Variants in KCNH6 observed in about 807,000 individuals in gnomAD.
The protein encoded by KCNH6 is voltage-gated inwardly rectifying potassium channel KCNH6.
Under a neutral mutation model 83.4 loss-of-function variants are expected in KCNH6, and 81 were observed. That is an observed-to-expected ratio of 0.97 (90% CI 0.81 to 1.17). The LOEUF (loss-of-function observed/expected upper bound fraction) is 1.17. Ranked by LOEUF, KCNH6 falls within the 50% of genes most tolerant of loss-of-function variation. The pLI is 0.00. For missense variants in KCNH6, 1,203 were observed against 1,290.5 expected (o/e 0.93, Z 1.04); for synonymous variants, 503 against 545.6 (o/e 0.92, Z 1.09).
At chr17:63,540,301 C>T (rs554796730) in intron 8 of KCNH6, among the ~76,000 whole-genome samples, 135 of 152,122 alleles carry the variant, frequency 8.9e-4, no homozygotes, top group Non-Finnish European at 1.6e-3. Context: ...GGCATGGTGG[C>T]GGGTGCCTGT....
At position 63,524,253 on chromosome 17, in the gene KCNH6, G is replaced by GC; in HGVS notation, c.192dup (p.Thr65HisfsTer26). 1.9e-6 allele frequency: 3 copies of GC among 1,614,064 alleles called. No homozygotes were observed. Among genetic ancestry groups the GC allele is most frequent in the Non-Finnish European group, 2.5e-6 (3 of 1,180,030 alleles). On this transcript the variant is annotated frameshift_variant, in exon 2 of 13. Transcript: ENST00000314672. LOFTEE classifies it high-confidence loss of function. Reference sequence around the variant, plus strand: ...CGAGTGGAGGTGATGCAGCAACCCTGCACCTGCGACTTCCTCACAGGCCCC... The same window carrying GC: ...CGAGTGGAGGTGATGCAGCAACCCTGCCACCTGCGACTTCCTCACAGGCCCC...
chr17:63,526,725 G>C (rs1335605620), intron 2 of KCNH6, among the ~76,000 whole-genome samples: 30 of 152,056 alleles, frequency 2.0e-4, no homozygotes, highest in Admixed American at 2.0e-3. Context: ...CAGATCTCTA[G>C]CTGATTTATG....
intron 2 of KCNH6, among the ~76,000 whole-genome samples, chr17:63,527,673 G>T (rs1364665298): frequency 6.6e-6 from 1 of 152,178 alleles, no homozygotes; most frequent in African/African-American, 2.4e-5. Flanking sequence ...CCCTGGTGAG[G>T]GCACAGGAAC....
rs1486630350 is a variant in KCNH6, at chr17:63,538,407, C to A, written c.1702-3C>A. ...CCGCTGGACTTGGCCGCCCGCCTTG[C>A]AGGTGCTGAAGGGCTTCCCCGAGTG... On this transcript the variant is annotated splice_polypyrimidine_tract_variant and splice_region_variant and intron_variant, in intron 7 of 12. Transcript: ENST00000314672. The surrounding 1 kb of genome is among the most constrained non-coding windows in gnomAD (Gnocchi z 4.0). The A allele has an allele frequency of 6.3e-7, 1 of 1,593,786 alleles. No homozygotes were observed. The highest frequency in any genetic ancestry group is 8.5e-7 in the Non-Finnish European group (1 of 1,171,256).
Position 63,544,353 on chromosome 17 carries a change from G to C in KCNH6, c.2338G>C (p.Asp780His). ...HSPQSPQEDP[D>H]CWPLKLGSRL... Reference sequence around the variant, plus strand: ...CCCCCAAAGCCCTCAGGAAGACCCAGATTGCTGGCCTCTGAAGCTGGGCTC... The same window carrying C: ...CCCCCAAAGCCCTCAGGAAGACCCACATTGCTGGCCTCTGAAGCTGGGCTC... Residue 780 changes from aspartate (D) to histidine (H), a missense_variant, in exon 11 of 13, where the codon GAT becomes CAT. Physicochemically the swap from Asp to His is moderately conservative, Grantham distance 81. Coordinates refer to ENST00000314672, the MANE Select transcript of KCNH6 (RefSeq NM_001278919.2). The C allele has an allele frequency of 2.5e-6, 4 of 1,611,682 alleles. No homozygotes were observed. Among genetic ancestry groups the C allele is most frequent in the Middle Eastern group, 3.3e-4 (2 of 6,040 alleles).
chr17:63,543,674 GC>G lies in KCNH6; in HGVS notation c.2233+19del, dbSNP rs754531317. 10 of 1,557,620 alleles carry G rather than the reference GC, an allele frequency of 6.4e-6. No individual in the cohort carries two copies. In the Admixed American group the frequency reaches 1.2e-4, roughly 18 times the overall value. On this transcript the variant is annotated intron_variant, in intron 10 of 12. Coordinates refer to ENST00000314672, the MANE Select transcript of KCNH6 (RefSeq NM_001278919.2). ...ACAACCAGTCAGGTGAGCAAAGCCA[GC>G]CCCCACCCCCACCAGCCTGTAGCCC...
chr17:63,538,093 C>T lies in KCNH6; in HGVS notation c.1530C>T (p.Asn510=). The change falls in exon 7 of 13, where the codon AAC becomes AAT. Residue 510 remains asparagine, a synonymous_variant. Transcript: ENST00000314672. This position sits in a 1 kb window ranked among gnomAD's most constrained non-coding sequence, Gnocchi z 4.0. ...GSLMYASIFG[N]VSAIIQRLYS... Reference sequence around the variant, plus strand: ...TGATGTACGCCAGCATCTTCGGGAACGTGTCCGCGATCATCCAGCGCCTGT... The same window carrying T: ...TGATGTACGCCAGCATCTTCGGGAATGTGTCCGCGATCATCCAGCGCCTGT... 1 of 1,613,888 alleles carries T rather than the reference C, an allele frequency of 6.2e-7. No individual in the cohort carries two copies. Among genetic ancestry groups the T allele is most frequent in the Non-Finnish European group, 8.5e-7 (1 of 1,180,010 alleles).
Position 63,533,555 on chromosome 17 carries a change from G to A in KCNH6, c.676-331G>A, listed in dbSNP as rs1170998736. 6.6e-6 allele frequency among the ~76,000 whole-genome samples: 1 copy of A among 152,066 alleles called. No individual in the cohort carries two copies. Among genetic ancestry groups the A allele is most frequent in the Non-Finnish European group, 1.5e-5 (1 of 67,996 alleles). ...GTGGAATGGGTCTATAGATGTCCAT[G>A]GGCCTGGCCCTCCCCTGCCTGGCTC... On this transcript the variant is annotated intron_variant, in intron 4 of 12. Transcript: ENST00000314672. This position sits in a 1 kb window ranked among gnomAD's most constrained non-coding sequence, Gnocchi z 4.1.
intron 2 of KCNH6, among the ~76,000 whole-genome samples, chr17:63,529,888 GCT>G (rs2031967790): frequency 6.6e-6 from 1 of 152,142 alleles, no homozygotes; most frequent in Non-Finnish European, 1.5e-5. Context: ...CAGCTTAACC[GCT>G]CTCCCCACCT....
intron 6 of KCNH6, among the ~76,000 whole-genome samples, chr17:63,537,264 C>G (rs114300250): frequency 6.6e-6 from 1 of 152,198 alleles, no homozygotes; most frequent in African/African-American, 2.4e-5. Context: ...CTGCTCCCAG[C>G]TGCCTGCCTC....
Position 63,542,388 on chromosome 17 carries a change from C to T in KCNH6, c.2102C>T (p.Ala701Val), listed in dbSNP as rs746736338. The change falls in exon 9 of 13, where the codon GCG (alanine) becomes GTG (valine). Residue 701 changes from alanine to valine, a missense_variant. Coordinates refer to ENST00000314672, the MANE Select transcript of KCNH6 (RefSeq NM_001278919.2). ...GTGCTGGACATGTACCCGGCCTTTG[C>T]GGAGAGCTTCTGGAGTAAGCTGGAG... ...LEVLDMYPAF[A>V]ESFWSKLEVT... is the part of the protein sequence containing the mutation. 120 of 1,614,154 alleles carry T rather than the reference C, an allele frequency of 7.4e-5. 1 individual carries two copies. In the South Asian group the frequency reaches 8.2e-4, roughly 11 times the overall value.
At chr17:63,545,485 G>T in intron 12 of KCNH6, 124 bp from the exon 13 acceptor site, 1 of 1,092,006 alleles carries the variant, frequency 9.2e-7, no homozygotes. Context: ...GCTGGGGCCA[G>T]GGCAGCAGGA....
chr17:63,541,579 C>T (rs1301921666), intron 8 of KCNH6, among the ~76,000 whole-genome samples: 4 of 150,054 alleles, frequency 2.7e-5, no homozygotes, highest in Non-Finnish European at 2.9e-5. Flanking sequence ...AGGCGTGAGC[C>T]GCTGAGCCCT....
At chr17:63,530,939 G>A (rs1451935825) in intron 4 of KCNH6, among the ~76,000 whole-genome samples, 2 of 152,098 alleles carry the variant, frequency 1.3e-5, no homozygotes, top group African/African-American at 4.8e-5. Flanking sequence ...GAGAGCTGGT[G>A]TGGGGGGGGG....
At chr17:63,536,952 C>CAAAAAAAAA (rs60039258) in intron 6 of KCNH6, among the ~76,000 whole-genome samples, 4 of 56,532 alleles carry the variant, frequency 7.1e-5, no homozygotes, top group Non-Finnish European at 9.0e-5. Flanking sequence ...GACTCCGTCT[C>CAAAAAAAAA]AAAAAAAAAA....
At position 63,544,334 on chromosome 17, in the gene KCNH6, A is replaced by G. The variant is rs2033037400; in HGVS notation, c.2319A>G (p.Gln773=). Residue 773 remains glutamine (Q), a synonymous_variant, in exon 11 of 13, where the codon CAA becomes CAG. Transcript: ENST00000314672. ...AAATGCCCCCAAGGCACAGCCCCCA[A>G]AGCCCTCAGGAAGACCCAGATTGCT... is the stretch of plus-strand genomic sequence containing the variant. ...LQEMPPRHSP[Q]SPQEDPDCWP... is the part of the protein sequence containing the mutation. 3 of 1,612,352 alleles carry G rather than the reference A, an allele frequency of 1.9e-6. No individual in the cohort carries two copies. The highest frequency in any genetic ancestry group is 2.5e-6 in the Non-Finnish European group (3 of 1,179,210).
chr17:63,542,409 T>C lies in KCNH6; in HGVS notation c.2123T>C (p.Leu708Pro), dbSNP rs748100516. The C allele has an allele frequency of 1.2e-6, 2 of 1,614,088 alleles. No individual in the cohort carries two copies. The highest frequency in any genetic ancestry group is 1.7e-6 in the Non-Finnish European group (2 of 1,180,014). ...TTTGCGGAGAGCTTCTGGAGTAAGC[T>C]GGAGGTCACCTTCAACCTGCGGGAC... ...PAFAESFWSK[L>P]EVTFNLRDAA... is the part of the protein sequence containing the mutation. Residue 708 changes from leucine (L) to proline (P), a missense_variant, in exon 9 of 13, where the codon CTG becomes CCG. Physicochemically the swap from Leu to Pro is moderately conservative, Grantham distance 98 (BLOSUM62 -3). Transcript: ENST00000314672.
In KCNH6 at chr17:63,524,285, C is replaced by T; in HGVS notation, c.223C>T (p.Pro75Ser). The change falls in exon 2 of 13, where the codon CCA becomes TCA. Residue 75 changes from proline to serine, a missense_variant. Pro to Ser is a moderately conservative substitution (Grantham distance 74). Transcript: ENST00000314672. ...TCDFLTGPNTPSSAVSRLAQA... is the reference protein window; with the variant it reads ...TCDFLTGPNTSSSAVSRLAQA... ...CGACTTCCTCACAGGCCCCAACACA[C>T]CAAGCAGCGCCGTGTCCCGCCTAGC... 6.2e-7 allele frequency: 1 copy of T among 1,614,026 alleles called. No individual in the cohort carries two copies. Among genetic ancestry groups the T allele is most frequent in the South Asian group, 1.1e-5 (1 of 91,086 alleles).
At chr17:63,543,683 C>T in intron 10 of KCNH6, 23 bp downstream of exon 10, 1 of 1,492,544 alleles carries the variant, frequency 6.7e-7, no homozygotes, top group Non-Finnish European at 9.3e-7. Flanking sequence ...AGCCCCCACC[C>T]CCACCAGCCT....
Sources: allele counts gnomAD v4.1 joint callset (sites outside exome capture counted in the v4.1 genomes callset), GRCh38; gene constraint gnomAD v4.1.1; non-coding constraint Gnocchi (gnomAD v3.1); transcripts MANE v1.5; gene names NCBI Gene and HGNC (gene_info 2026-07-23, HGNC 2026-07-21).